IMPG1: variants seen among roughly 807,000 people sequenced by gnomAD.
The protein encoded by IMPG1 is interphotoreceptor matrix proteoglycan of 150 kDa.
A neutral mutation model predicts 92.0 loss-of-function variants in IMPG1; 85 were observed. The observed-to-expected ratio is 0.92, with a 90% confidence interval of 0.78 to 1.11. The LOEUF is 1.11. Ranked by LOEUF, IMPG1 falls within the 50% of genes least tolerant of loss-of-function variation. IMPG1 has a pLI of 0.00. For synonymous variants in IMPG1, 367 were observed against 334.1 expected (o/e 1.10, Z -1.08); for missense variants, 1,022 against 956.0 (o/e 1.07, Z -0.91).
rs4708202 is a variant in IMPG1, at chr6:75,954,623, T to C, written c.1292-3529A>G. On this transcript the variant is annotated intron_variant, in intron 12 of 16. Coordinates refer to ENST00000369950, the MANE Select transcript of IMPG1 (RefSeq NM_001563.4). ...GCAGAAGCTCCTTAGTTTAATTAGA[T>C]CCCATTTGTCAATTTTGGCTTTTGT... Among the ~76,000 whole-genome samples the C allele has an allele frequency of 8.0e-3, 1,226 of 152,312 alleles. 34 individuals are homozygous for C. The East Asian group carries it at 0.086, about 11-fold the overall frequency.
At position 75,977,258 on chromosome 6, in the gene IMPG1, T is replaced by C. The variant is rs371890821; in HGVS notation, c.1291+25660A>G. Among the ~76,000 whole-genome samples the C allele has an allele frequency of 1.1e-4, 16 of 152,282 alleles. No homozygotes were observed. The East Asian group carries it at 2.3e-3, about 22-fold the overall frequency. ...AATTAATCTTTTCTTACAGTCTTTC[T>C]AATTGCTAGGAACTTGGCAGATTAA... On this transcript the variant is annotated intron_variant, in intron 12 of 16. Transcript: ENST00000369950.
intron 15 of IMPG1, among the ~76,000 whole-genome samples, chr6:75,925,411 C>T (rs1582044903): frequency 6.6e-6 from 1 of 151,964 alleles, no homozygotes; most frequent in East Asian, 1.9e-4. Context: ...TTCCCTTATT[C>T]AACTTTTTTC....
At chr6:75,959,804 T>C (rs1782185901) in intron 12 of IMPG1, among the ~76,000 whole-genome samples, 1 of 152,104 alleles carries the variant, frequency 6.6e-6, no homozygotes, top group Admixed American at 6.5e-5. Flanking sequence ...CTGGGCTCCA[T>C]GGGGGGTGGG....
rs1415549910 is a variant in IMPG1, at chr6:75,956,012, T to C, written c.1292-4918A>G. 2.6e-5 allele frequency among the ~76,000 whole-genome samples: 4 copies of C among 152,338 alleles called. No homozygotes were observed. The South Asian group carries it at 6.2e-4, about 24-fold the overall frequency. ...CTGGATTCAGTTTGTCCGGATTTTA[T>C]TGAGGATTTTTGCATCAATGTTCAT... On this transcript the variant is annotated intron_variant, in intron 12 of 16. Coordinates refer to ENST00000369950, the MANE Select transcript of IMPG1 (RefSeq NM_001563.4).
rs74645014 is a variant in IMPG1 at position 76,067,492 on chromosome 6, A to T, written c.67+4930T>A. ...ACTTCTCAAGGTTGAACCAGGAAGA[A>T]ATAGAAATCCTGAATAGAACAATAA... On this transcript the variant is annotated intron_variant, in intron 1 of 16. Transcript: ENST00000369950. 4.2e-3 allele frequency among the ~76,000 whole-genome samples: 634 copies of T among 152,278 alleles called. 6 individuals carry two copies. The highest frequency in any genetic ancestry group is 0.014 in the African/African-American group (601 of 41,582).
At chr6:76,060,961 T>C (rs1019887616) in intron 1 of IMPG1, among the ~76,000 whole-genome samples, 1 of 152,090 alleles carries the variant, frequency 6.6e-6, no homozygotes, top group Non-Finnish European at 1.5e-5. Context: ...TTTAAAACAA[T>C]AAAATATATG....
At chr6:76,060,143 T>G (rs1392529781) in intron 1 of IMPG1, among the ~76,000 whole-genome samples, 1 of 152,164 alleles carries the variant, frequency 6.6e-6, no homozygotes, top group Non-Finnish European at 1.5e-5. Flanking sequence ...TGAAGAGAAT[T>G]AAGATGGCTG....
At chr6:75,979,026 C>T (rs1782583744) in intron 12 of IMPG1, among the ~76,000 whole-genome samples, 2 of 152,130 alleles carry the variant, frequency 1.3e-5, no homozygotes, top group African/African-American at 4.8e-5. Context: ...AATTCTCCCA[C>T]CCCAGCCTCC....
Position 75,979,725 on chromosome 6 carries a change from A to G in IMPG1, c.1291+23193T>C, listed in dbSNP as rs1050606839. On this transcript the variant is annotated intron_variant, in intron 12 of 16. Transcript: ENST00000369950. ...ACTGTAGAAGTTTTGAGTTAAGGAA[A>G]ATTACATCAGGGATATTTTAATGAT... Among the ~76,000 whole-genome samples the G allele has an allele frequency of 2.6e-5, 4 of 152,196 alleles. No individual in the cohort carries two copies. In the South Asian group the frequency reaches 8.3e-4, roughly 32 times the overall value.
rs190256655 is a variant in IMPG1 at position 75,972,935 on chromosome 6, G to T, written c.1292-21841C>A. 1.9e-3 allele frequency among the ~76,000 whole-genome samples: 287 copies of T among 152,244 alleles called. 3 individuals carry two copies. The highest frequency in any genetic ancestry group is 6.5e-3 in the African/African-American group (268 of 41,534). On this transcript the variant is annotated intron_variant, in intron 12 of 16. Transcript: ENST00000369950. ...TAATCTAATGATCATTTTTTATAGA[G>T]AATCAGTGGAATCAGTGTTTAATGG... is the stretch of plus-strand genomic sequence containing the variant.
intron 14 of IMPG1, among the ~76,000 whole-genome samples, chr6:75,942,383 CCTT>C (rs1781847996): frequency 6.6e-6 from 1 of 152,128 alleles, no homozygotes; most frequent in South Asian, 2.1e-4. Context: ...GCTTAAGTGA[CCTT>C]CTGTTATCAT....
chr6:76,006,735 AAAAT>A (rs1178933021), intron 9 of IMPG1, among the ~76,000 whole-genome samples: 1 of 152,178 alleles, frequency 6.6e-6, no homozygotes, highest in East Asian at 1.9e-4. Context: ...AGAAAAGAGA[AAAAT>A]AAGCAGGACA....
At position 75,940,016 on chromosome 6, in the gene IMPG1, G is replaced by A. The variant is rs572331746; in HGVS notation, c.2044+7298C>T. 1.1e-4 allele frequency among the ~76,000 whole-genome samples: 17 copies of A among 152,242 alleles called. No homozygotes were observed. In the Middle Eastern group the frequency reaches 0.01, roughly 91 times the overall value. On this transcript the variant is annotated intron_variant, in intron 14 of 16. Coordinates refer to ENST00000369950, the MANE Select transcript of IMPG1 (RefSeq NM_001563.4). ...GTGCCCTCTACTCTTTTCACTCACAGCTGCTAAAGAAGCTCCCTCTTCTGC... is the reference window on the plus strand; with the variant it reads ...GTGCCCTCTACTCTTTTCACTCACAACTGCTAAAGAAGCTCCCTCTTCTGC...
chr6:75,969,238 T>A (rs1383561836), intron 12 of IMPG1, among the ~76,000 whole-genome samples: 1 of 152,070 alleles, frequency 6.6e-6, no homozygotes, highest in African/African-American at 2.4e-5. Context: ...ATCACGTGTA[T>A]AACATGATGA....
chr6:76,057,674 GTTA>G (rs1784142718), intron 1 of IMPG1, among the ~76,000 whole-genome samples: 1 of 152,074 alleles, frequency 6.6e-6, no homozygotes, highest in South Asian at 2.1e-4. Context: ...CTCCATCTGG[GTTA>G]TTACTCATGA....
At chr6:75,928,882 TC>T (rs1292456898) in intron 15 of IMPG1, among the ~76,000 whole-genome samples, 2 of 152,248 alleles carry the variant, frequency 1.3e-5, no homozygotes, top group Non-Finnish European at 2.9e-5. Context: ...ATGTACGGGA[TC>T]TTTTATGCTG....
chr6:76,056,976 C>T (rs542725584), intron 1 of IMPG1, among the ~76,000 whole-genome samples: 6 of 152,194 alleles, frequency 3.9e-5, no homozygotes, highest in African/African-American at 7.2e-5. Context: ...TAAAAAGGAA[C>T]AAAATCATGT....
At chr6:76,068,826 C>T (rs1051496756) in intron 1 of IMPG1, among the ~76,000 whole-genome samples, 1 of 151,930 alleles carries the variant, frequency 6.6e-6, no homozygotes, top group Non-Finnish European at 1.5e-5. Flanking sequence ...AATGGCCATA[C>T]TTCTTAAAAC....
chr6:75,991,511 A>G (rs1037794581), intron 12 of IMPG1, among the ~76,000 whole-genome samples: 1 of 152,208 alleles, frequency 6.6e-6, no homozygotes. Flanking sequence ...GCAGCTATGA[A>G]AACACCATGT....
Sources: gnomAD v4.1 joint callset for allele counts (sites outside exome capture counted in the v4.1 genomes callset) on GRCh38, gnomAD v4.1.1 for gene constraint, MANE v1.5 for transcripts, NCBI Gene and HGNC (gene_info 2026-07-23, HGNC 2026-07-21) for gene names.